Variants in WASHC5 observed in about 807,000 individuals in gnomAD.
WASHC5 encodes WASH complex subunit strumpellin.
A neutral mutation model predicts 150.4 loss-of-function variants in WASHC5; 101 were observed. The ratio of observed to expected loss-of-function variants is 0.67; its 90% CI spans 0.57 to 0.79. The LOEUF is 0.79. Ranked by LOEUF, WASHC5 falls within the 30% of genes least tolerant of loss-of-function variation. The probability of loss-of-function intolerance (pLI) is 0.00; values close to 1 mark genes in which losing one functional copy is unlikely to be tolerated. For missense variants in WASHC5, 1,195 were observed against 1,396.3 expected, an observed-to-expected ratio of 0.86 and a Z score of 2.30; for synonymous variants, 467 against 491.2, an observed-to-expected ratio of 0.95 and a Z score of 0.65.
intron 27 of WASHC5, among the ~76,000 whole-genome samples, chr8:125,031,735 C>A (rs1458048662): frequency 1.3e-5 from 2 of 152,114 alleles, no homozygotes; most frequent in Non-Finnish European, 1.5e-5. Flanking sequence ...CATTTAGGGG[C>A]AGGGGAAAAG....
At chr8:125,078,220 G>A (rs1563633588) in intron 6 of WASHC5, among the ~76,000 whole-genome samples, 1 of 152,116 alleles carries the variant, frequency 6.6e-6, no homozygotes, top group Non-Finnish European at 1.5e-5. Context: ...GATCTTCACA[G>A]CCTTGCTCAG....
chr8:125,060,625 CAATA>C (rs1358373937), intron 12 of WASHC5, among the ~76,000 whole-genome samples: 5 of 151,514 alleles, frequency 3.3e-5, no homozygotes, highest in African/African-American at 9.7e-5. Context: ...GAAAGAAAAA[CAATA>C]AACTATTTTT....
intron 8 of WASHC5, among the ~76,000 whole-genome samples, chr8:125,073,629 G>C (rs1009643547): frequency 1.3e-5 from 2 of 152,104 alleles, no homozygotes; most frequent in African/African-American, 4.8e-5. Flanking sequence ...ATGACATATG[G>C]ACTATAGTTC....
At chr8:125,072,147 C>G (rs940808769) in intron 9 of WASHC5, among the ~76,000 whole-genome samples, 3 of 151,884 alleles carry the variant, frequency 2.0e-5, no homozygotes, top group East Asian at 1.9e-4. Flanking sequence ...TTGAGACCAC[C>G]CTGGCCAACA....
chr8:125,032,375 C>G lies in WASHC5; in HGVS notation c.3201G>C (p.Pro1067=). The G allele has an allele frequency of 1.2e-6, 2 of 1,613,982 alleles. No homozygotes were observed. The highest frequency in any genetic ancestry group is 2.2e-5 in the South Asian group (2 of 91,050). ...GTGGTGGCCAATCAACCGGGTCGGTCGGTTTTCGGCAGACCATTCCTGCAA... is the reference window on the plus strand; with the variant it reads ...GTGGTGGCCAATCAACCGGGTCGGTGGGTTTTCGGCAGACCATTCCTGCAA... ...NKNLGMVCRK[P]TDPVDWPPLV... The change falls in exon 27 of 29, where the codon CCG becomes CCC. Residue 1067 remains proline (P), a synonymous_variant. Coordinates refer to ENST00000318410, the MANE Select transcript of WASHC5 (RefSeq NM_014846.4).
intron 2 of WASHC5, 122 bp downstream of exon 2, chr8:125,083,591 T>A (rs1171369326): frequency 1.3e-6 from 1 of 764,532 alleles, no homozygotes; most frequent in Non-Finnish European, 2.1e-6. Context: ...TTAAGTTTAG[T>A]CGAAAAGCTC....
intron 5 of WASHC5, 118 bp downstream of exon 5, chr8:125,081,543 C>A: frequency 2.6e-6 from 2 of 759,360 alleles, no homozygotes; most frequent in Admixed American, 3.5e-5. Context: ...CCGGCTGAAT[C>A]GTATACTTTC....
In WASHC5 at chr8:125,037,722, G is replaced by A. The variant is rs1045831431; in HGVS notation, c.3085-389C>T. Among the ~76,000 whole-genome samples the A allele has an allele frequency of 9.2e-5, 14 of 152,012 alleles. 1 individual carries two copies. Among genetic ancestry groups the A allele is most frequent in the Admixed American group, 9.2e-4 (14 of 15,258 alleles). On this transcript the variant is annotated intron_variant, in intron 25 of 28. Coordinates refer to ENST00000318410, the MANE Select transcript of WASHC5 (RefSeq NM_014846.4). ...GTGTGGGAGAGAGAAGAGAGAGAGA[G>A]GGAAAGAGGGAAGAAGGAGAGGAGG...
chr8:125,084,176 A>G (rs1200385502), intron 1 of WASHC5, among the ~76,000 whole-genome samples, 154 bp from the exon 2 acceptor site: 1 of 152,196 alleles, frequency 6.6e-6, no homozygotes, highest in Non-Finnish European at 1.5e-5. Flanking sequence ...GTCACTCTTC[A>G]TATTTTCCAT....
chr8:125,055,727 C>A, intron 16 of WASHC5, 56 bp from the exon 17 acceptor site: 1 of 1,038,640 alleles, frequency 9.6e-7, no homozygotes, highest in Non-Finnish European at 1.5e-6. Context: ...CTGGAATGAA[C>A]AAAGATAACA....
chr8:125,034,467 C>T (rs1486201945), intron 26 of WASHC5, among the ~76,000 whole-genome samples: 3 of 151,762 alleles, frequency 2.0e-5, no homozygotes, highest in Non-Finnish European at 2.9e-5. Flanking sequence ...TACGCTACTG[C>T]ACTTCAGCCT....
At chr8:125,067,758 T>C in intron 9 of WASHC5, 39 bp from the exon 10 acceptor site, 1 of 1,602,404 alleles carries the variant, frequency 6.2e-7, no homozygotes, top group Non-Finnish European at 8.5e-7. Flanking sequence ...ACTAAATGTG[T>C]AGAAAATATC....
At position 125,052,041 on chromosome 8, in the gene WASHC5, C is replaced by T. The variant is rs150289223; in HGVS notation, c.2098-1376G>A. On this transcript the variant is annotated intron_variant, in intron 17 of 28. Transcript: ENST00000318410. The stretch of plus-strand genomic sequence containing the variant: ...CATGAGGGGGCTTTCAGGAGTGGGG[C>T]TCACTAAATCCTATTTCTTAAGTGG... Among the ~76,000 whole-genome samples the T allele has an allele frequency of 1.8e-3, 269 of 152,266 alleles. 1 individual carries two copies. The highest frequency in any genetic ancestry group is 6.3e-3 in the African/African-American group (261 of 41,554).
intron 9 of WASHC5, among the ~76,000 whole-genome samples, chr8:125,068,154 G>A (rs980385640): frequency 1.3e-5 from 2 of 152,150 alleles, no homozygotes; most frequent in Admixed American, 1.3e-4. Flanking sequence ...CCCTAGAGAG[G>A]CCTGTTTGCA....
intron 8 of WASHC5, among the ~76,000 whole-genome samples, chr8:125,074,574 C>T (rs987600326): frequency 2.6e-5 from 4 of 152,088 alleles, no homozygotes; most frequent in African/African-American, 7.2e-5. Flanking sequence ...TTATTTAGCA[C>T]AACACAAATG....
At position 125,049,105 on chromosome 8, in the gene WASHC5, G is replaced by T; in HGVS notation, c.2280C>A (p.Asp760Glu). The T allele has an allele frequency of 6.2e-7, 1 of 1,613,520 alleles. No individual in the cohort carries two copies. Among genetic ancestry groups the T allele is most frequent in the Non-Finnish European group, 8.5e-7 (1 of 1,179,772 alleles). Residue 760 changes from aspartate to glutamate, a missense_variant, in exon 19 of 29, where the codon GAC becomes GAA. Asp to Glu is a conservative substitution (Grantham distance 45). Transcript: ENST00000318410. ...TCTTCAGACCATAAATGTTGACATA[G>T]TCCTGTATGTATTCAAAAGAACGAT... ...GFHRSFEYIQ[D>E]YVNIYGLKIW...
At chr8:125,078,136 T>C (rs1817118424) in intron 6 of WASHC5, among the ~76,000 whole-genome samples, 1 of 152,196 alleles carries the variant, frequency 6.6e-6, no homozygotes, top group Non-Finnish European at 1.5e-5. Context: ...GGTAATTTTA[T>C]TTGGCGTTTT....
At chr8:125,044,423 C>G (rs1815994295) in intron 21 of WASHC5, 113 bp downstream of exon 21, 1 of 1,164,210 alleles carries the variant, frequency 8.6e-7, no homozygotes, top group Admixed American at 1.7e-5. Flanking sequence ...TGCCTAAAGT[C>G]AGTGTAAGAA....
In WASHC5 at chr8:125,083,523, T is replaced by C. The variant is rs183050549; in HGVS notation, c.186+190A>G. Among the ~76,000 whole-genome samples, 244 of 152,320 alleles carry C rather than the reference T, an allele frequency of 1.6e-3. 1 individual carries two copies. Among genetic ancestry groups the C allele is most frequent in the African/African-American group, 5.7e-3 (237 of 41,588 alleles). ...AAGTTATCTTTTAAAAATACAATTATATTGTGTTAGGGCTTTGACATAATA... is the reference window on the plus strand; with the variant it reads ...AAGTTATCTTTTAAAAATACAATTACATTGTGTTAGGGCTTTGACATAATA... On this transcript the variant is annotated intron_variant, in intron 2 of 28. Transcript: ENST00000318410.
Sources: gnomAD v4.1 joint callset for allele counts (sites outside exome capture counted in the v4.1 genomes callset) on GRCh38, gnomAD v4.1.1 for gene constraint, MANE v1.5 for transcripts, NCBI Gene and HGNC (gene_info 2026-07-23, HGNC 2026-07-21) for gene names.